Variants in GPAT4 observed in about 807,000 individuals in gnomAD.
The protein encoded by GPAT4 is glycerol-3-phosphate acyltransferase 4.
In GPAT4, 17 loss-of-function variants were observed where a neutral mutation model predicts 58.0. The ratio of observed to expected loss-of-function variants is 0.29; its 90% CI spans 0.20 to 0.44. The LOEUF is 0.44. Ranked by LOEUF, GPAT4 falls within the 20% of genes least tolerant of loss-of-function variation. GPAT4 has a pLI of 1.00. For missense variants in GPAT4, 377 were observed against 574.5 expected (o/e 0.66, Z 3.51); for synonymous variants, 204 against 210.1 (o/e 0.97, Z 0.25).
chr8:41,605,256 A>G (rs1216157269), intron 2 of GPAT4, among the ~76,000 whole-genome samples: 1 of 152,218 alleles, frequency 6.6e-6, no homozygotes, highest in South Asian at 2.1e-4. Context: ...AGACATATGC[A>G]TCTATAACTA....
chr8:41,589,238 C>G (rs546865779), intron 1 of GPAT4, among the ~76,000 whole-genome samples: 1 of 152,258 alleles, frequency 6.6e-6, no homozygotes, highest in South Asian at 2.1e-4. Context: ...TTGCTCTTTC[C>G]TCTACTTCTA....
chr8:41,612,931 A>T lies in GPAT4; in HGVS notation c.882A>T (p.Glu294Asp), dbSNP rs1427920537. Residue 294 changes from glutamate to aspartate, a missense_variant, in exon 8 of 13, where the codon GAA (glutamate) becomes GAT (aspartate). Coordinates refer to ENST00000396987, the MANE Select transcript of GPAT4 (RefSeq NM_178819.4). ...ACPHVWFERS[E>D]VKDRHLVAKR... ...CACACGTCTGGTTTGAGCGCTCGGAAGTGAAGGATCGCCACCTGGTGGCTA... is the reference window on the plus strand; with the variant it reads ...CACACGTCTGGTTTGAGCGCTCGGATGTGAAGGATCGCCACCTGGTGGCTA... The T allele has an allele frequency of 6.2e-7, 1 of 1,614,058 alleles. No individual in the cohort carries two copies. Among genetic ancestry groups the T allele is most frequent in the Non-Finnish European group, 8.5e-7 (1 of 1,180,022 alleles).
intron 1 of GPAT4, among the ~76,000 whole-genome samples, chr8:41,581,698 G>A (rs1279551116): frequency 1.4e-5 from 2 of 145,374 alleles, no homozygotes; most frequent in African/African-American, 2.5e-5. Context: ...GCGCAATCTC[G>A]GCTCACTGCA....
intron 10 of GPAT4, chr8:41,618,436 G>A: frequency 1.8e-6 from 1 of 548,910 alleles, no homozygotes; most frequent in Non-Finnish European, 3.3e-6. Flanking sequence ...ACATTTGCTT[G>A]AGGCAGGCTG....
chr8:41,609,039 T>C (rs1304094191), intron 2 of GPAT4, among the ~76,000 whole-genome samples: 1 of 152,236 alleles, frequency 6.6e-6, no homozygotes, highest in Non-Finnish European at 1.5e-5. Context: ...GTTTACAGGA[T>C]ACCTGGCTTC....
chr8:41,608,348 G>T (rs544610960), intron 2 of GPAT4, among the ~76,000 whole-genome samples: 2 of 152,226 alleles, frequency 1.3e-5, no homozygotes, highest in Non-Finnish European at 1.5e-5. Flanking sequence ...TGATGGGCTC[G>T]TGCCCACTGT....
intron 2 of GPAT4, 106 bp from the exon 3 acceptor site, chr8:41,609,310 C>A: frequency 8.4e-7 from 1 of 1,193,374 alleles, no homozygotes; most frequent in South Asian, 1.3e-5. Context: ...TGGCTACGGT[C>A]TTAGGTGACT....
chr8:41,581,618 T>G (rs1585644065), intron 1 of GPAT4, among the ~76,000 whole-genome samples: 1 of 149,512 alleles, frequency 6.7e-6, no homozygotes. Flanking sequence ...TGCCAGGCCT[T>G]TGTTGACTTT....
chr8:41,609,559 A>G, intron 3 of GPAT4, 74 bp downstream of exon 3: 2 of 1,602,904 alleles, frequency 1.2e-6, no homozygotes, highest in African/African-American at 1.3e-5. Context: ...GGTGCCACAC[A>G]CGCTCTTCCC....
chr8:41,624,361 CAGTG>C lies in GPAT4; in HGVS notation c.*3361_*3364del, dbSNP rs1250061284. Reference sequence around the variant, plus strand: ...CGTGTGACCTTCACGGCACAGCAAACAGTGGGCACTAACCCTGTTGTCCTGTGGA... The same window carrying C: ...CGTGTGACCTTCACGGCACAGCAAACGGCACTAACCCTGTTGTCCTGTGGA... On this transcript the variant is annotated 3_prime_UTR_variant, in exon 13 of 13. Coordinates refer to ENST00000396987, the MANE Select transcript of GPAT4 (RefSeq NM_178819.4). 2.6e-5 allele frequency: 4 copies of C among 152,326 alleles called. No individual in the cohort carries two copies. Among genetic ancestry groups the C allele is most frequent in the Non-Finnish European group, 5.9e-5 (4 of 68,040 alleles). 9.4% of individuals were successfully genotyped at this position (152,326 alleles called of 1,614,324 possible).
chr8:41,606,495 T>C (rs1398755804), intron 2 of GPAT4, among the ~76,000 whole-genome samples: 1 of 152,186 alleles, frequency 6.6e-6, no homozygotes, highest in Non-Finnish European at 1.5e-5. Context: ...GTAGGGTTTG[T>C]AGGGGCCAAG....
chr8:41,594,849 C>CT (rs35755726), intron 1 of GPAT4, among the ~76,000 whole-genome samples: 1,852 of 151,452 alleles, frequency 0.012, 18 homozygotes, highest in South Asian at 0.025. Flanking sequence ...CCGGCCCAAA[C>CT]TTTTTTTTTA....
At chr8:41,580,594 G>T (rs1382444178) in intron 1 of GPAT4, among the ~76,000 whole-genome samples, 1 of 152,176 alleles carries the variant, frequency 6.6e-6, no homozygotes, top group Non-Finnish European at 1.5e-5. Context: ...CTGGGAACAA[G>T]CAAGTCCTCA....
Position 41,609,693 on chromosome 8 carries a change from A to T in GPAT4, c.274A>T (p.Ile92Phe), listed in dbSNP as rs1797178929. The T allele has an allele frequency of 1.2e-6, 2 of 1,613,962 alleles. No homozygotes were observed. The highest frequency in any genetic ancestry group is 1.1e-5 in the South Asian group (1 of 91,066). The change falls in exon 4 of 13, where the codon ATC becomes TTC. Residue 92 changes from isoleucine to phenylalanine, a missense_variant. Physicochemically the swap from Ile to Phe is conservative, Grantham distance 21 (BLOSUM62 0). Coordinates refer to ENST00000396987, the MANE Select transcript of GPAT4 (RefSeq NM_178819.4). ...GGATCCCACTTCACTAGAAGAAGAG[A>T]TCAAAGAGATTCGTCGAAGTGGTAG... ...AKDPTSLEEE[I>F]KEIRRSGSSK... is the part of the protein sequence containing the mutation.
In GPAT4 at chr8:41,612,913, C is replaced by T; in HGVS notation, c.864C>T (p.Val288=). 2 of 1,614,112 alleles carry T rather than the reference C, an allele frequency of 1.2e-6. No individual in the cohort carries two copies. Among genetic ancestry groups the T allele is most frequent in the East Asian group, 2.2e-5 (1 of 44,870 alleles). The stretch of plus-strand genomic sequence containing the variant: ...CCATGGTGAAGGCCTGCCCACACGT[C>T]TGGTTTGAGCGCTCGGAAGTGAAGG... ...QRAMVKACPH[V]WFERSEVKDR... The change falls in exon 8 of 13, where the codon GTC becomes GTT. Residue 288 remains valine, a synonymous_variant. Coordinates refer to ENST00000396987, the MANE Select transcript of GPAT4 (RefSeq NM_178819.4).
At chr8:41,591,242 C>G (rs1330204532) in intron 1 of GPAT4, among the ~76,000 whole-genome samples, 1 of 152,140 alleles carries the variant, frequency 6.6e-6, no homozygotes, top group Non-Finnish European at 1.5e-5. Flanking sequence ...ATAGATAACA[C>G]AAGAGGTTAG....
intron 2 of GPAT4, among the ~76,000 whole-genome samples, chr8:41,600,051 TTTTC>T (rs1316013400): frequency 7.6e-5 from 11 of 144,788 alleles, no homozygotes; most frequent in African/African-American, 5.2e-5. Flanking sequence ...TTTTTTTTTT[TTTTC>T]GAGACAAGAG....
Position 41,609,749 on chromosome 8 carries a change from C to T in GPAT4, c.330C>T (p.Phe110=), listed in dbSNP as rs777281350. ...SSKALDNTPE[F]ELSDIFYFCR... is the part of the protein sequence containing the mutation. ...AGGCTCTGGACAACACTCCAGAGTTCGAGCTCTCTGACATTTTCTACTTTT... is the reference window on the plus strand; with the variant it reads ...AGGCTCTGGACAACACTCCAGAGTTTGAGCTCTCTGACATTTTCTACTTTT... Residue 110 remains phenylalanine, a synonymous_variant, in exon 4 of 13, where the codon TTC becomes TTT. Coordinates refer to ENST00000396987, the MANE Select transcript of GPAT4 (RefSeq NM_178819.4). 17 of 1,613,926 alleles carry T rather than the reference C, an allele frequency of 1.1e-5. No homozygotes were observed. The highest frequency in any genetic ancestry group is 8.8e-5 in the South Asian group (8 of 91,072).
chr8:41,614,334 G>T, intron 8 of GPAT4, 52 bp from the exon 9 acceptor site: 1 of 1,453,026 alleles, frequency 6.9e-7, no homozygotes, highest in South Asian at 1.2e-5. Flanking sequence ...AACATATTTT[G>T]ACGATGTGTA....
Sources: allele counts gnomAD v4.1 joint callset (sites outside exome capture counted in the v4.1 genomes callset), GRCh38; gene constraint gnomAD v4.1.1; transcripts MANE v1.5; gene names NCBI Gene and HGNC (gene_info 2026-07-23, HGNC 2026-07-21).